ITPK1: variants seen among roughly 807,000 people sequenced by gnomAD.
The protein encoded by ITPK1 is inositol 1,3,4-trisphosphate 5/6-kinase.
In ITPK1, 21 loss-of-function variants were observed where a neutral mutation model predicts 45.3. That is an observed-to-expected ratio of 0.46 (90% CI 0.33 to 0.67). ITPK1 has a LOEUF of 0.67. Ranked by LOEUF, ITPK1 falls within the 30% of genes least tolerant of loss-of-function variation. ITPK1 has a pLI of 0.02. For synonymous variants in ITPK1, 258 were observed against 253.6 expected, an observed-to-expected ratio of 1.02 and a Z score of -0.16; for missense variants, 474 against 573.5, an observed-to-expected ratio of 0.83 and a Z score of 1.77.
At chr14:93,009,009 C>T (rs774797396) in intron 4 of ITPK1, among the ~76,000 whole-genome samples, 8 of 152,088 alleles carry the variant, frequency 5.3e-5, no homozygotes, top group East Asian at 3.9e-4. Flanking sequence ...AATGCAGTGA[C>T]GCTCGACCAG....
chr14:93,028,128 G>A (rs867708639), intron 3 of ITPK1, among the ~76,000 whole-genome samples: 9 of 152,208 alleles, frequency 5.9e-5, no homozygotes, highest in Admixed American at 2.6e-4. Flanking sequence ...CACAGGACGC[G>A]TCCTGGCCAA....
chr14:93,027,404 G>A lies in ITPK1; in HGVS notation c.121-10603C>T, dbSNP rs59658643. Among the ~76,000 whole-genome samples, 250 of 152,214 alleles carry A rather than the reference G, an allele frequency of 1.6e-3. 3 individuals are homozygous for A. Among genetic ancestry groups the A allele is most frequent in the Admixed American group, 0.014 (207 of 15,292 alleles). On this transcript the variant is annotated intron_variant, in intron 3 of 10. Transcript: ENST00000267615. Reference sequence around the variant, plus strand: ...CTCTGTGCACCCAGCCCAACTCTACGCACTTCACATGAACTATCTCACTTA... The same window carrying A: ...CTCTGTGCACCCAGCCCAACTCTACACACTTCACATGAACTATCTCACTTA...
chr14:92,941,614 T>C lies in ITPK1; in HGVS notation c.1192A>G (p.Ser398Gly), dbSNP rs1273919360. ...GAGGCCACACAATGCTGCTGGAAGC[T>C]GGGCGACACGCCGGCGTTGCAGCCG... ...RLGCNAGVSP[S>G]FQQHCVASLA... is the part of the protein sequence containing the mutation. Residue 398 changes from serine (S) to glycine (G), a missense_variant, in exon 11 of 11, where the codon AGC (serine) becomes GGC (glycine). Around this residue, in one of 2 missense-constraint regions of ITPK1, gnomAD observed 107 missense variants for 92.9 expected, o/e 1.15. Coordinates refer to ENST00000267615, the MANE Select transcript of ITPK1 (RefSeq NM_014216.6). 6.5e-7 allele frequency: 1 copy of C among 1,538,278 alleles called. No individual in the cohort carries two copies. The highest frequency in any genetic ancestry group is 2.5e-5 in the East Asian group (1 of 40,752).
chr14:93,046,654 T>C (rs1368774051), intron 3 of ITPK1, among the ~76,000 whole-genome samples: 1 of 152,070 alleles, frequency 6.6e-6, no homozygotes, highest in Non-Finnish European at 1.5e-5. Flanking sequence ...AGTGGTCAAC[T>C]GGAAAGCACA....
intron 3 of ITPK1, among the ~76,000 whole-genome samples, chr14:93,066,582 T>C (rs1402130156): frequency 1.3e-5 from 2 of 151,834 alleles, no homozygotes; most frequent in East Asian, 3.9e-4. Context: ...TTTTTTGTAT[T>C]TTTAGTAGAG....
chr14:93,076,926 G>A lies in ITPK1; in HGVS notation c.96-307C>T, dbSNP rs1253968066. 1.3e-5 allele frequency among the ~76,000 whole-genome samples: 2 copies of A among 152,064 alleles called. No individual in the cohort carries two copies. The highest frequency in any genetic ancestry group is 2.4e-5 in the African/African-American group (1 of 41,390). The stretch of plus-strand genomic sequence containing the variant: ...TGTCAGCCGAGCTCCAGCCTGGGTC[G>A]TCCCAAGGCCCCTGCCACCAAGTTC... On this transcript the variant is annotated intron_variant, in intron 2 of 10. Coordinates refer to ENST00000267615, the MANE Select transcript of ITPK1 (RefSeq NM_014216.6). This position sits in a 1 kb window ranked among gnomAD's most constrained non-coding sequence, Gnocchi z 4.3.
In ITPK1 at chr14:93,099,749, C is replaced by T. The variant is rs1191179990; in HGVS notation, c.95+15320G>A. On this transcript the variant is annotated intron_variant, in intron 2 of 10. Transcript: ENST00000267615. Reference sequence around the variant, plus strand: ...CCTCCCTTCCGGAGCTTCCCACCAGCACTCCCACCCAGCTGCCTCCGAGAA... The same window carrying T: ...CCTCCCTTCCGGAGCTTCCCACCAGTACTCCCACCCAGCTGCCTCCGAGAA... Among the ~76,000 whole-genome samples the T allele has an allele frequency of 3.9e-5, 6 of 152,190 alleles. No homozygotes were observed. The East Asian group carries it at 9.6e-4, about 24-fold the overall frequency.
chr14:93,057,676 G>A (rs772684064), intron 3 of ITPK1, among the ~76,000 whole-genome samples: 1 of 152,190 alleles, frequency 6.6e-6, no homozygotes, highest in Non-Finnish European at 1.5e-5. Flanking sequence ...GCAGAGCCCG[G>A]CCGAGGCCAT....
intron 4 of ITPK1, among the ~76,000 whole-genome samples, chr14:92,996,839 C>T (rs905518444): frequency 6.6e-6 from 1 of 152,152 alleles, no homozygotes; most frequent in Admixed American, 6.5e-5. Flanking sequence ...GAAACCCAGG[C>T]GCCCGATGTC....
intron 3 of ITPK1, among the ~76,000 whole-genome samples, chr14:93,065,475 C>T (rs1292177028): frequency 1.3e-5 from 2 of 152,188 alleles, no homozygotes; most frequent in Non-Finnish European, 2.9e-5. Flanking sequence ...ATCTGCATGA[C>T]CTCACTCCTG....
At chr14:92,949,980 C>T (rs1188875652) in intron 9 of ITPK1, among the ~76,000 whole-genome samples, 1 of 152,178 alleles carries the variant, frequency 6.6e-6, no homozygotes, top group Non-Finnish European at 1.5e-5. Context: ...CTGGCAACTG[C>T]GGTGGGTGCT....
chr14:93,056,395 A>G (rs975678628), intron 3 of ITPK1, among the ~76,000 whole-genome samples: 1 of 152,194 alleles, frequency 6.6e-6, no homozygotes. Flanking sequence ...TGAACTGCAG[A>G]CTGACTCAGC....
intron 5 of ITPK1, among the ~76,000 whole-genome samples, chr14:92,974,088 G>A (rs1350391663): frequency 1.3e-5 from 2 of 152,200 alleles, no homozygotes; most frequent in African/African-American, 2.4e-5. Flanking sequence ...CTTGCCCTGT[G>A]CCTCCAGGGT....
intron 4 of ITPK1, among the ~76,000 whole-genome samples, chr14:92,996,270 T>C (rs1887051944): frequency 6.6e-6 from 1 of 152,108 alleles, no homozygotes; most frequent in African/African-American, 2.4e-5. Context: ...GAAAAATAAA[T>C]GTCAACATTA....
At chr14:93,105,807 G>A (rs552152750) in intron 2 of ITPK1, among the ~76,000 whole-genome samples, 3 of 151,040 alleles carry the variant, frequency 2.0e-5, no homozygotes, top group Admixed American at 6.6e-5. Context: ...GGGTTCAAGC[G>A]TTTCTCCTGC....
chr14:93,020,099 T>C (rs1276601692), intron 3 of ITPK1, among the ~76,000 whole-genome samples: 2 of 152,098 alleles, frequency 1.3e-5, no homozygotes, highest in African/African-American at 4.8e-5. Flanking sequence ...TGTGTGGCGC[T>C]TGGAGTTCAG....
intron 4 of ITPK1, among the ~76,000 whole-genome samples, chr14:92,997,846 C>T (rs1595122708): frequency 6.6e-6 from 1 of 152,188 alleles, no homozygotes; most frequent in Non-Finnish European, 1.5e-5. Flanking sequence ...ACGGTGCCCA[C>T]CTACAGCGCA....
Position 93,032,714 on chromosome 14 carries a change from G to A in ITPK1, c.121-15913C>T, listed in dbSNP as rs916505351. The stretch of plus-strand genomic sequence containing the variant: ...AGCTTGATGCCCTTGAATATCTTCC[G>A]ATTAGCCTCATCTAGAAGGCACATG... On this transcript the variant is annotated intron_variant, in intron 3 of 10. Coordinates refer to ENST00000267615, the MANE Select transcript of ITPK1 (RefSeq NM_014216.6). The surrounding 1 kb of genome is among the most constrained non-coding windows in gnomAD (Gnocchi z 4.0). Among the ~76,000 whole-genome samples, 14 of 152,166 alleles carry A rather than the reference G, an allele frequency of 9.2e-5. No individual in the cohort carries two copies. In the South Asian group the frequency reaches 1.0e-3, roughly 11 times the overall value.
At chr14:92,962,649 G>C (rs1595090785) in intron 6 of ITPK1, 102 bp downstream of exon 6, 6 of 923,198 alleles carry the variant, frequency 6.5e-6, no homozygotes, top group Middle Eastern at 2.1e-4. Context: ...ATCCATCCTC[G>C]GGTGAGCTTA....
Sources: allele counts gnomAD v4.1 joint callset (sites outside exome capture counted in the v4.1 genomes callset), GRCh38; gene constraint gnomAD v4.1.1; regional missense constraint gnomAD v4.1.1; non-coding constraint Gnocchi (gnomAD v3.1); transcripts MANE v1.5; gene names NCBI Gene and HGNC (gene_info 2026-07-23, HGNC 2026-07-21).